The following CDH13 variants were observed in gnomAD, a reference collection of about 807,000 sequenced individuals.
CDH13 encodes the protein cadherin-13.
CDH13 carries 24 observed loss-of-function variants against 63.8 expected under a neutral mutation model. The ratio of observed to expected loss-of-function variants is 0.38; its 90% CI spans 0.27 to 0.53. The LOEUF (loss-of-function observed/expected upper bound fraction) is 0.53, where lower values mean the gene tolerates loss of function less well. CDH13 is among the 20% of genes least tolerant of loss of function. The pLI, the probability that CDH13 is intolerant of heterozygous loss-of-function variation, is 0.85. For missense variants in CDH13, 1,049 were observed against 903.1 expected, an observed-to-expected ratio of 1.16 and a Z score of -2.07; for synonymous variants, 503 against 355.3, an observed-to-expected ratio of 1.42 and a Z score of -4.67.
intron 1 of CDH13, among the ~76,000 whole-genome samples, chr16:82,762,534 C>A (rs781481936): frequency 1.3e-5 from 2 of 152,172 alleles, no homozygotes; most frequent in Non-Finnish European, 2.9e-5. Context: ...CTTTAACTTT[C>A]TACTAATTAG....
At position 82,644,385 on chromosome 16, in the gene CDH13, T is replaced by C. The variant is rs573169060; in HGVS notation, c.45+17248T>C. ...CCATCACCCCCCTACGGAGTTCCTT[T>C]GATTCTCAGGTCCCTTAACCATGGA... On this transcript the variant is annotated intron_variant, in intron 1 of 13. Transcript: ENST00000567109. This position sits in a 1 kb window ranked among gnomAD's most constrained non-coding sequence, Gnocchi z 5.7. Among the ~76,000 whole-genome samples the C allele has an allele frequency of 6.6e-6, 1 of 152,254 alleles. No homozygotes were observed. Among genetic ancestry groups the C allele is most frequent in the East Asian group, 1.9e-4 (1 of 5,178 alleles).
chr16:83,254,354 A>C (rs1905954635), intron 5 of CDH13, among the ~76,000 whole-genome samples: 1 of 152,216 alleles, frequency 6.6e-6, no homozygotes, highest in South Asian at 2.1e-4. Context: ...AGCCTCATGC[A>C]CAGAGTGTCT....
At chr16:82,947,182 A>G (rs865976702) in intron 2 of CDH13, among the ~76,000 whole-genome samples, 1 of 152,138 alleles carries the variant, frequency 6.6e-6, no homozygotes. Context: ...TCACACCTCA[A>G]CCAGAGTAGG....
chr16:83,573,031 A>AT (rs1371134508), intron 7 of CDH13, among the ~76,000 whole-genome samples: 1 of 152,130 alleles, frequency 6.6e-6, no homozygotes, highest in East Asian at 1.9e-4. Flanking sequence ...CATACGCAAT[A>AT]TTTTTCATCC....
intron 2 of CDH13, among the ~76,000 whole-genome samples, chr16:83,006,527 G>T (rs894743818): frequency 6.6e-6 from 1 of 152,094 alleles, no homozygotes; most frequent in Non-Finnish European, 1.5e-5. Context: ...TGACTGCTCA[G>T]TGCAGCCTCG....
chr16:83,086,227 C>T (rs1035334141), intron 3 of CDH13, among the ~76,000 whole-genome samples: 6 of 152,176 alleles, frequency 3.9e-5, no homozygotes, highest in African/African-American at 1.4e-4. Flanking sequence ...CTTGAGACTA[C>T]AAAACAGTCA....
rs973445730 is a variant in CDH13 at position 82,745,870 on chromosome 16, C to A, written c.46-112492C>A. Among the ~76,000 whole-genome samples, 30 of 152,112 alleles carry A rather than the reference C, an allele frequency of 2.0e-4. 1 individual carries two copies. Among genetic ancestry groups the A allele is most frequent in the Admixed American group, 1.8e-3 (28 of 15,268 alleles). ...CCAAATTTGGTCCTCTGTTATTTTACTTCCAGAAAATAATTTTTTAGAACT... is the reference window on the plus strand; with the variant it reads ...CCAAATTTGGTCCTCTGTTATTTTAATTCCAGAAAATAATTTTTTAGAACT... On this transcript the variant is annotated intron_variant, in intron 1 of 13. Transcript: ENST00000567109.
intron 6 of CDH13, among the ~76,000 whole-genome samples, chr16:83,430,448 T>C (rs897080588): frequency 8.5e-5 from 13 of 152,244 alleles, no homozygotes; most frequent in Middle Eastern, 3.2e-3. Flanking sequence ...CTAAAGTAGT[T>C]GACTCTTATT....
intron 6 of CDH13, among the ~76,000 whole-genome samples, chr16:83,359,626 G>A (rs551550601): frequency 6.6e-6 from 1 of 152,114 alleles, no homozygotes; most frequent in South Asian, 2.1e-4. Flanking sequence ...GTTTGAATTG[G>A]GCACATTCGA....
chr16:82,676,707 A>G (rs1404897638), intron 1 of CDH13, among the ~76,000 whole-genome samples: 2 of 152,088 alleles, frequency 1.3e-5, no homozygotes, highest in East Asian at 1.9e-4. Context: ...AACCTCGGAC[A>G]TGAGCTATAA....
chr16:83,793,623 A>C (rs377494734), intron 13 of CDH13, among the ~76,000 whole-genome samples: 4 of 152,252 alleles, frequency 2.6e-5, no homozygotes, highest in East Asian at 3.9e-4. Flanking sequence ...TGTACTCTTC[A>C]TCCTAATCCC....
chr16:83,668,609 T>C (rs1914219453), intron 8 of CDH13, among the ~76,000 whole-genome samples: 1 of 152,150 alleles, frequency 6.6e-6, no homozygotes, highest in South Asian at 2.1e-4. Context: ...GTCCTTTGGC[T>C]CTGGACCGCA....
At chr16:82,749,616 C>T (rs867401933) in intron 1 of CDH13, among the ~76,000 whole-genome samples, 4 of 152,142 alleles carry the variant, frequency 2.6e-5, no homozygotes, top group African/African-American at 7.2e-5. Flanking sequence ...CATGTTCATG[C>T]GATTGTTTTA....
intron 11 of CDH13, among the ~76,000 whole-genome samples, chr16:83,748,813 A>G (rs1049309065): frequency 1.3e-5 from 2 of 152,240 alleles, no homozygotes; most frequent in Non-Finnish European, 2.9e-5. Context: ...AAACAAAAAG[A>G]AAGCTGTCCT....
chr16:83,479,059 A>G (rs760514623), intron 6 of CDH13, among the ~76,000 whole-genome samples: 3 of 152,218 alleles, frequency 2.0e-5, no homozygotes, highest in Non-Finnish European at 4.4e-5. Context: ...TCTTTCATCA[A>G]CTAGTCATTC....
intron 13 of CDH13, 26 bp downstream of exon 13, chr16:83,783,498 G>C (rs760159807): frequency 6.4e-7 from 1 of 1,565,286 alleles, no homozygotes; most frequent in Non-Finnish European, 8.8e-7. Flanking sequence ...TCCAGTGCAT[G>C]CACAAACAGG....
In CDH13 at chr16:82,858,444, A is replaced by C. The variant is rs2039793724; in HGVS notation, c.128A>C (p.Glu43Ala). 34 of 1,612,434 alleles carry C rather than the reference A, an allele frequency of 2.1e-5. No homozygotes were observed. The highest frequency in any genetic ancestry group is 2.6e-5 in the Non-Finnish European group (31 of 1,178,596). ...QKVFHINQPA[E>A]FIEDQSILNL... ...GTGTTCCATATCAATCAGCCAGCTG[A>C]ATTCATTGAGGACCAGTCAATTCTA... The change falls in exon 2 of 14, where the codon GAA becomes GCA. Residue 43 changes from glutamate to alanine, a missense_variant. By Grantham distance (107) the Glu-to-Ala change is moderately radical. Coordinates refer to ENST00000567109, the MANE Select transcript of CDH13 (RefSeq NM_001257.5).
intron 4 of CDH13, among the ~76,000 whole-genome samples, chr16:83,156,405 T>G (rs73604270): frequency 0.01 from 1,531 of 152,294 alleles, 26 homozygotes; most frequent in African/African-American, 0.035. Context: ...ATCCTAGCAT[T>G]GTGCCATATC....
At chr16:82,654,002 A>G (rs1398822236) in intron 1 of CDH13, among the ~76,000 whole-genome samples, 11 of 152,196 alleles carry the variant, frequency 7.2e-5, no homozygotes. Context: ...GGTTTCTTCC[A>G]GCCCAGCTTC....
Sources: gnomAD v4.1 joint callset for allele counts (sites outside exome capture counted in the v4.1 genomes callset) on GRCh38, gnomAD v4.1.1 for gene constraint, Gnocchi (gnomAD v3.1) non-coding constraint, MANE v1.5 for transcripts, NCBI Gene and HGNC (gene_info 2026-07-23, HGNC 2026-07-21) for gene names.